The following HEPH variants were observed in gnomAD, a reference collection of about 807,000 sequenced individuals.
HEPH encodes the protein hephaestin.
A neutral mutation model predicts 80.8 loss-of-function variants in HEPH; 69 were observed. That is an observed-to-expected ratio of 0.85 (90% CI 0.70 to 1.04). HEPH has a LOEUF of 1.04. HEPH is among the 50% of genes least tolerant of loss of function. The pLI, the probability that HEPH is intolerant of heterozygous loss-of-function variation, is 0.00. For missense variants in HEPH, 1,115 were observed against 891.3 expected (o/e 1.25, Z -3.20); for synonymous variants, 431 against 322.8 (o/e 1.34, Z -3.60).
intron 4 of HEPH, among the ~76,000 whole-genome samples, chrX:66,175,678 T>A (rs1262057548): frequency 9.0e-6 from 1 of 111,671 alleles, no homozygotes; most frequent in Non-Finnish European, 1.9e-5. Flanking sequence ...CATCCATGAT[T>A]TTTTTCTGCA....
At chrX:66,204,234 A>C (rs958441136) in intron 13 of HEPH, among the ~76,000 whole-genome samples, 33 of 112,070 alleles carry the variant, frequency 2.9e-4, no homozygotes, top group African/African-American at 1.1e-3. Flanking sequence ...ACTAATTCTT[A>C]TGGCCATAAT....
intron 5 of HEPH, among the ~76,000 whole-genome samples, chrX:66,188,837 T>A (rs966190360): frequency 8.9e-6 from 1 of 112,524 alleles, no homozygotes; most frequent in Non-Finnish European, 1.9e-5. Flanking sequence ...AGTCTAAAGT[T>A]ATATAGTATA....
At chrX:66,239,176 G>A (rs2090474517) in intron 15 of HEPH, among the ~76,000 whole-genome samples, 1 of 112,022 alleles carries the variant, frequency 8.9e-6, no homozygotes, top group Non-Finnish European at 1.9e-5. Context: ...TATCCCTGGT[G>A]GTTGAAGGGT....
intron 4 of HEPH, among the ~76,000 whole-genome samples, chrX:66,179,185 C>G (rs1405200024): frequency 8.9e-6 from 1 of 112,100 alleles, no homozygotes; most frequent in African/African-American, 3.2e-5. Flanking sequence ...TTTCCCAGCA[C>G]CATTTATTAA....
chrX:66,211,955 G>A (rs1444467231), intron 15 of HEPH, among the ~76,000 whole-genome samples: 1 of 111,071 alleles, frequency 9.0e-6, no homozygotes, highest in African/African-American at 3.3e-5. Flanking sequence ...TCCACCAATA[G>A]TGTGTAAGAG....
chrX:66,198,472 T>C (rs901607764), intron 10 of HEPH, among the ~76,000 whole-genome samples: 3 of 111,930 alleles, frequency 2.7e-5, no homozygotes, highest in Non-Finnish European at 3.8e-5. Flanking sequence ...TAAATGTTAG[T>C]GGTAACAATA....
At chrX:66,225,094 T>C (rs181717200) in intron 15 of HEPH, among the ~76,000 whole-genome samples, 1,181 of 111,331 alleles carry the variant, frequency 0.011, 10 homozygotes, top group Non-Finnish European at 0.015. Flanking sequence ...CAGGTTACCT[T>C]GTGCCATACC....
chrX:66,230,700 C>T (rs1445814892), intron 15 of HEPH, among the ~76,000 whole-genome samples: 8 of 103,774 alleles, frequency 7.7e-5, no homozygotes, highest in African/African-American at 1.1e-4. Flanking sequence ...GAGTAGGTTG[C>T]GAAAATTTTC....
At chrX:66,249,300 C>A (rs764047203) in intron 15 of HEPH, among the ~76,000 whole-genome samples, 5 of 111,659 alleles carry the variant, frequency 4.5e-5, no homozygotes, top group African/African-American at 1.6e-4. Context: ...TGAGCTGAAG[C>A]CTTACTTATT....
At chrX:66,228,394 A>C (rs1332165192) in intron 15 of HEPH, among the ~76,000 whole-genome samples, 1 of 112,933 alleles carries the variant, frequency 8.9e-6, no homozygotes, top group Admixed American at 9.3e-5. Context: ...AGATGGATCA[A>C]AGTCTTAAAT....
intron 15 of HEPH, among the ~76,000 whole-genome samples, chrX:66,222,360 C>T (rs1260933536): frequency 2.7e-5 from 3 of 112,305 alleles, no homozygotes; most frequent in African/African-American, 9.7e-5. Flanking sequence ...GACTGGAGGA[C>T]CACCTTAGTG....
At chrX:66,230,848 GCC>G in intron 15 of HEPH, among the ~76,000 whole-genome samples, 2 of 97,860 alleles carry the variant, frequency 2.0e-5, no homozygotes, top group Non-Finnish European at 4.1e-5. Flanking sequence ...TGAAGTCCTT[GCC>G]CATGCCTATG....
At chrX:66,181,703 A>C (rs1840180707) in intron 4 of HEPH, among the ~76,000 whole-genome samples, 1 of 45,010 alleles carries the variant, frequency 2.2e-5, no homozygotes, top group Non-Finnish European at 4.0e-5. Flanking sequence ...CTTTAGTTTA[A>C]TTAGATCCCA....
intron 15 of HEPH, among the ~76,000 whole-genome samples, chrX:66,212,160 C>T (rs2089163841): frequency 9.8e-6 from 1 of 102,022 alleles, no homozygotes; most frequent in Non-Finnish European, 2.0e-5. Context: ...AATGTCTATT[C>T]ATGTCCTTTA....
rs1285653179 is a variant in HEPH, at chrX:66,259,899, A to T, written c.3037-201A>T. Among the ~76,000 whole-genome samples the T allele has an allele frequency of 4.7e-5, 5 of 106,688 alleles. No individual in the cohort carries two copies. The East Asian group carries it at 1.2e-3, about 25-fold the overall frequency. 92.6% of individuals were successfully genotyped at this position (106,688 alleles called of 115,157 possible). On this transcript the variant is annotated intron_variant, in intron 18 of 20. Coordinates refer to ENST00000343002, the MANE Select transcript of HEPH (RefSeq NM_001367233.3). ...ATTTTTTTTATTTTTTTTATTTTTT[A>T]TTTTTTTTAGTAGAGACGGGGTTTC...
rs184512467 is a variant in HEPH, at chrX:66,164,477, T to G, written c.-14+7T>G. On this transcript the variant is annotated splice_region_variant and intron_variant, in intron 1 of 20. Transcript: ENST00000343002. ...GTAGTTTTCTCTAGCAAAGGTAAGC[T>G]TTCTTTTCTCTCTTTTCAAACTCTA... is the stretch of plus-strand genomic sequence containing the variant. 8.0e-6 allele frequency: 6 copies of G among 751,946 alleles called. No individual in the cohort carries two copies. The East Asian group carries it at 9.1e-4, about 114-fold the overall frequency. The allele number at this position is 751,946 out of a possible 1,213,427, so 62.0% of individuals were successfully genotyped here.
intron 15 of HEPH, among the ~76,000 whole-genome samples, chrX:66,233,321 AC>A (rs1453514308): frequency 9.0e-6 from 1 of 111,261 alleles, no homozygotes; most frequent in Non-Finnish European, 1.9e-5. Context: ...GCCTTACCAA[AC>A]CTCAAGCCTG....
intron 4 of HEPH, among the ~76,000 whole-genome samples, chrX:66,179,297 T>C: frequency 8.9e-6 from 1 of 111,834 alleles, no homozygotes; most frequent in Middle Eastern, 4.6e-3. Context: ...TGTTTTTCAT[T>C]GGTCTATATC....
intron 15 of HEPH, among the ~76,000 whole-genome samples, chrX:66,224,613 A>G (rs755245794): frequency 2.6e-4 from 29 of 112,080 alleles, no homozygotes; most frequent in African/African-American, 9.4e-4. Flanking sequence ...GATTGAATGC[A>G]TTTGGGCCAT....
Sources: allele counts gnomAD v4.1 joint callset (sites outside exome capture counted in the v4.1 genomes callset), GRCh38; gene constraint gnomAD v4.1.1; transcripts MANE v1.5; gene names NCBI Gene and HGNC (gene_info 2026-07-23, HGNC 2026-07-21).